Variants in C10orf90 observed in about 807,000 individuals in gnomAD.
C10orf90 encodes chromosome 10 open reading frame 90, also known as (E2-independent) E3 ubiquitin-conjugating enzyme FATS.
In C10orf90, 56 loss-of-function variants were observed where a neutral mutation model predicts 62.5. The observed-to-expected ratio is 0.90, with a 90% CI of 0.72 to 1.12. The LOEUF is 1.12. Ranked by LOEUF, C10orf90 falls within the 50% of genes most tolerant of loss-of-function variation. The pLI, the probability that C10orf90 is intolerant of heterozygous loss-of-function variation, is 0.00. For missense variants in C10orf90, 970 were observed against 880.4 expected (o/e 1.10, Z -1.29); for synonymous variants, 386 against 340.4 (o/e 1.13, Z -1.47).
intron 2 of C10orf90, among the ~76,000 whole-genome samples, chr10:126,600,581 T>C (rs1845180198): frequency 6.6e-6 from 1 of 152,092 alleles, no homozygotes; most frequent in Non-Finnish European, 1.5e-5. Context: ...CACCCCAGCT[T>C]GGGAAAATCC....
intron 4 of C10orf90, among the ~76,000 whole-genome samples, chr10:126,467,190 T>C (rs1397052579): frequency 3.3e-5 from 5 of 152,244 alleles, no homozygotes; most frequent in Non-Finnish European, 7.3e-5. Flanking sequence ...TGAGCTTGTG[T>C]AAGTCAGATG....
intron 2 of C10orf90, among the ~76,000 whole-genome samples, chr10:126,643,308 C>T (rs902549358): frequency 2.0e-5 from 3 of 152,178 alleles, no homozygotes; most frequent in Non-Finnish European, 2.9e-5. Context: ...CAGCCCACTC[C>T]ACAGGGTCTT....
chr10:126,484,217 C>A (rs570760972), intron 4 of C10orf90, among the ~76,000 whole-genome samples: 1 of 151,920 alleles, frequency 6.6e-6, no homozygotes, highest in South Asian at 2.1e-4. Flanking sequence ...CATGAATACG[C>A]CAATTCCCTC....
chr10:126,577,812 G>A (rs1054531944), intron 2 of C10orf90, among the ~76,000 whole-genome samples: 3 of 152,042 alleles, frequency 2.0e-5, no homozygotes, highest in African/African-American at 7.2e-5. Context: ...CTAACCAGTA[G>A]AAATCAATAG....
chr10:126,583,142 G>A (rs1163909469), intron 2 of C10orf90, among the ~76,000 whole-genome samples: 1 of 152,028 alleles, frequency 6.6e-6, no homozygotes, highest in Non-Finnish European at 1.5e-5. Flanking sequence ...TGTGCCTGGG[G>A]GACAAAACCA....
chr10:126,441,414 A>C (rs1276611608), intron 7 of C10orf90, among the ~76,000 whole-genome samples: 1 of 152,140 alleles, frequency 6.6e-6, no homozygotes. Flanking sequence ...AAGAATAATC[A>C]GCATTTCTGA....
intron 2 of C10orf90, among the ~76,000 whole-genome samples, chr10:126,564,427 T>G (rs1185041021): frequency 6.6e-6 from 1 of 151,816 alleles, no homozygotes; most frequent in Non-Finnish European, 1.5e-5. Flanking sequence ...CAGCCAAGCC[T>G]GCAAACCTTC....
intron 2 of C10orf90, among the ~76,000 whole-genome samples, chr10:126,515,797 C>G (rs1219273050): frequency 6.6e-6 from 1 of 152,204 alleles, no homozygotes; most frequent in Non-Finnish European, 1.5e-5. Context: ...TTGACCTGTC[C>G]AGAGCCTGGC....
At chr10:126,535,431 G>A (rs1051475298) in intron 2 of C10orf90, among the ~76,000 whole-genome samples, 4 of 151,766 alleles carry the variant, frequency 2.6e-5, no homozygotes, top group African/African-American at 7.3e-5. Flanking sequence ...GTAGGAGAGT[G>A]GCGTGAACCT....
intron 2 of C10orf90, among the ~76,000 whole-genome samples, chr10:126,597,363 C>T (rs1845108427): frequency 6.6e-6 from 1 of 152,206 alleles, no homozygotes; most frequent in Non-Finnish European, 1.5e-5. Context: ...GACATGTGTT[C>T]ATCAGCCTAG....
rs73371018 is a variant in C10orf90, at chr10:126,456,968, T to C, written c.2188+2072A>G. On this transcript the variant is annotated intron_variant, in intron 7 of 9. Transcript: ENST00000488181. The surrounding 1 kb of genome is among the most constrained non-coding windows in gnomAD (Gnocchi z 4.9). ...GCAAGAAAGTAAGTTTCTGGGCTTG[T>C]TTTGTTTTTGTTTTTGCTTTTGTAT... Among the ~76,000 whole-genome samples the C allele has an allele frequency of 2.7e-5, 4 of 149,260 alleles. No individual in the cohort carries two copies. The highest frequency in any genetic ancestry group is 1.0e-4 in the African/African-American group (4 of 38,828).
intron 7 of C10orf90, among the ~76,000 whole-genome samples, chr10:126,454,620 C>A (rs543007238): frequency 1.3e-5 from 2 of 151,622 alleles, no homozygotes; most frequent in Non-Finnish European, 2.9e-5. Flanking sequence ...CTCCCACCTG[C>A]GGGGACTATA....
chr10:126,538,589 G>A (rs575552383), intron 2 of C10orf90, among the ~76,000 whole-genome samples: 4 of 152,192 alleles, frequency 2.6e-5, no homozygotes, highest in African/African-American at 7.2e-5. Flanking sequence ...CACTTGCCAC[G>A]TGTTGTTAAT....
intron 2 of C10orf90, among the ~76,000 whole-genome samples, chr10:126,517,780 T>C (rs1812098): frequency 0.89 from 134,752 of 151,974 alleles, 59,944 homozygotes; most frequent in African/African-American, 0.96. Flanking sequence ...CATGATGGTG[T>C]GCATCTGTAT....
At chr10:126,478,596 G>A (rs759022861) in intron 4 of C10orf90, among the ~76,000 whole-genome samples, 5 of 152,150 alleles carry the variant, frequency 3.3e-5, no homozygotes, top group Non-Finnish European at 5.9e-5. Flanking sequence ...TCTCACCCCC[G>A]TGCTCAAAGA....
intron 2 of C10orf90, among the ~76,000 whole-genome samples, chr10:126,573,383 T>C (rs561356347): frequency 6.6e-6 from 1 of 152,374 alleles, no homozygotes; most frequent in South Asian, 2.1e-4. Context: ...CGCCAGGCTG[T>C]CTGCCTGTGG....
At chr10:126,631,901 A>G (rs1301301931) in intron 2 of C10orf90, among the ~76,000 whole-genome samples, 6 of 151,992 alleles carry the variant, frequency 3.9e-5, no homozygotes, top group African/African-American at 1.4e-4. Context: ...GAGTGCTAAG[A>G]GCAGATGGGG....
chr10:126,630,361 TG>T, intron 2 of C10orf90, among the ~76,000 whole-genome samples: 1 of 151,952 alleles, frequency 6.6e-6, no homozygotes, highest in African/African-American at 2.4e-5. Context: ...GTTGAGCTCA[TG>T]GGGGTTGGGA....
chr10:126,524,260 G>T (rs11245016), intron 2 of C10orf90, among the ~76,000 whole-genome samples: 122,055 of 152,098 alleles, frequency 0.8, 49,538 homozygotes, highest in Middle Eastern at 0.92. Context: ...GACCACATGT[G>T]CAGAGGGAGG....
Sources: gnomAD v4.1 joint callset for allele counts (sites outside exome capture counted in the v4.1 genomes callset) on GRCh38, gnomAD v4.1.1 for gene constraint, Gnocchi (gnomAD v3.1) non-coding constraint, MANE v1.5 for transcripts, NCBI Gene and HGNC (gene_info 2026-07-23, HGNC 2026-07-21) for gene names.